Variants in SYT7 observed in about 807,000 individuals in gnomAD.
The protein encoded by SYT7 is synaptotagmin-7.
Under a neutral mutation model 75.1 loss-of-function variants are expected in SYT7, and 29 were observed. The observed-to-expected ratio is 0.39, with a 90% confidence interval of 0.29 to 0.53. The LOEUF (loss-of-function observed/expected upper bound fraction) is 0.53. SYT7 is among the 20% of genes least tolerant of loss of function. The probability of loss-of-function intolerance (pLI) is 0.77; values close to 1 mark genes in which losing one functional copy is unlikely to be tolerated. For missense variants in SYT7, 693 were observed against 953.2 expected (o/e 0.73, Z 3.59); for synonymous variants, 376 against 401.7 (o/e 0.94, Z 0.76).
At position 61,546,599 on chromosome 11, in the gene SYT7, G is replaced by A; in HGVS notation, c.348-344C>T. The A allele has an allele frequency of 2.1e-6, 1 of 480,158 alleles. No homozygotes were observed. The highest frequency in any genetic ancestry group is 6.0e-5 in the East Asian group (1 of 16,692). 29.7% of individuals were successfully genotyped at this position (480,158 alleles called of 1,614,324 possible). ...CAGGGGCGGCGGGGGTTGGGGGAGG[G>A]CAGCCACCTCCAACTCTATCCCACA... On this transcript the variant is annotated intron_variant, in intron 4 of 12. Coordinates refer to ENST00000539008, the MANE Select transcript of SYT7 (RefSeq NM_001365809.2). This position sits in a 1 kb window ranked among gnomAD's most constrained non-coding sequence, Gnocchi z 7.6.
At chr11:61,545,938 G>T in intron 5 of SYT7, 93 bp downstream of exon 5, 1 of 1,175,564 alleles carries the variant, frequency 8.5e-7, no homozygotes, top group South Asian at 1.4e-5. Context: ...CACCTCTGGG[G>T]GCAGCAGCGG....
chr11:61,583,680 C>G (rs190874751), upstream of SYT7, among the ~76,000 whole-genome samples: 4 of 152,316 alleles, frequency 2.6e-5, no homozygotes, highest in Admixed American at 2.6e-4. Context: ...TACAAGAATA[C>G]GAAGCCCAGT....
intron 6 of SYT7, chr11:61,540,933 G>A: frequency 1.0e-6 from 1 of 985,472 alleles, no homozygotes; most frequent in Non-Finnish European, 1.2e-6. Context: ...TTAGATTCCT[G>A]CAGGTCCTTG....
Position 61,571,270 on chromosome 11 carries a change from T to C in SYT7, c.31+9520A>G, listed in dbSNP as rs141607394. Among the ~76,000 whole-genome samples, 488 of 152,316 alleles carry C rather than the reference T, an allele frequency of 3.2e-3. 2 individuals are homozygous for C. Among genetic ancestry groups the C allele is most frequent in the African/African-American group, 0.011 (470 of 41,556 alleles). On this transcript the variant is annotated intron_variant, in intron 1 of 12. Transcript: ENST00000539008. ...TGGGAAGCACACACACAGTCATGCA[T>C]CTGCATGAAGTGAGGTGTGTTAGCT...
At chr11:61,548,426 T>C (rs1409193424) in intron 3 of SYT7, among the ~76,000 whole-genome samples, 1 of 152,150 alleles carries the variant, frequency 6.6e-6, no homozygotes, top group Non-Finnish European at 1.5e-5. Context: ...CTGGAAACCC[T>C]GGGAGCCAAG....
At chr11:61,554,933 C>T (rs1174180161) in intron 2 of SYT7, among the ~76,000 whole-genome samples, 2 of 152,200 alleles carry the variant, frequency 1.3e-5, no homozygotes, top group Non-Finnish European at 2.9e-5. Context: ...AGGATGGAGC[C>T]GCATGCTCCC....
At chr11:61,556,453 C>T (rs536220575) in intron 1 of SYT7, among the ~76,000 whole-genome samples, 1 of 152,356 alleles carries the variant, frequency 6.6e-6, no homozygotes, top group East Asian at 1.9e-4. Flanking sequence ...CTGTCTCTCC[C>T]TGCACGGACC....
Position 61,517,932 on chromosome 11 carries a change from C to T in SYT7, c.*695G>A, listed in dbSNP as rs566168274. 5.3e-4 allele frequency: 113 copies of T among 211,994 alleles called. No homozygotes were observed. Among genetic ancestry groups the T allele is most frequent in the African/African-American group, 2.4e-3 (104 of 43,776 alleles). The allele number at this position is 211,994 out of a possible 1,614,324, so 13.1% of individuals were successfully genotyped here. On this transcript the variant is annotated 3_prime_UTR_variant, in exon 13 of 13. Transcript: ENST00000539008. ...TCTTCTGTTTCTGACCTCTGCCTCA[C>T]CCGACCCCACTCAGCCCTATGGGCC...
At position 61,517,970 on chromosome 11, in the gene SYT7, C is replaced by A. The variant is rs2062190031; in HGVS notation, c.*657G>T. 1.1e-5 allele frequency: 2 copies of A among 182,186 alleles called. No homozygotes were observed. The highest frequency in any genetic ancestry group is 2.3e-5 in the Non-Finnish European group (2 of 88,586). 11.3% of individuals were successfully genotyped at this position (182,186 alleles called of 1,614,324 possible). A position where few individuals can be genotyped will look rare whatever the true frequency, so the allele number is the denominator to read the frequency against. On this transcript the variant is annotated 3_prime_UTR_variant, in exon 13 of 13. Transcript: ENST00000539008. ...AGCCCTATGGGCCTCTCCTCTCACA[C>A]CCCCGGCCTCCAACCCTGCCTGGCC...
chr11:61,521,578 G>A (rs923368942), intron 12 of SYT7, among the ~76,000 whole-genome samples: 2 of 152,186 alleles, frequency 1.3e-5, no homozygotes, highest in South Asian at 4.1e-4. Context: ...GCAAGCAGGG[G>A]AAGCTCTCCT....
Position 61,518,736 on chromosome 11 carries a change from G to A in SYT7, c.1957-5C>T, listed in dbSNP as rs1171048452. Reference sequence around the variant, plus strand: ...GCTCTTCCAGGACAGGTAGATCTGGGGAGAAAGGGGAGACGATGGCATCGG... The same window carrying A: ...GCTCTTCCAGGACAGGTAGATCTGGAGAGAAAGGGGAGACGATGGCATCGG... On this transcript the variant is annotated splice_region_variant and splice_polypyrimidine_tract_variant and intron_variant, in intron 12 of 12. Coordinates refer to ENST00000539008, the MANE Select transcript of SYT7 (RefSeq NM_001365809.2). 1 of 1,531,700 alleles carries A rather than the reference G, an allele frequency of 6.5e-7. No individual in the cohort carries two copies. Among genetic ancestry groups the A allele is most frequent in the Non-Finnish European group, 8.8e-7 (1 of 1,133,552 alleles). The allele number at this position is 1,531,700 out of a possible 1,614,324, so 94.9% of individuals were successfully genotyped here. A position where few individuals can be genotyped will look rare whatever the true frequency, so the allele number is the denominator to read the frequency against.
At chr11:61,519,457 G>A (rs146566164) in intron 12 of SYT7, among the ~76,000 whole-genome samples, 132 of 152,304 alleles carry the variant, frequency 8.7e-4, no homozygotes, top group African/African-American at 3.0e-3. Flanking sequence ...GCCTTCTATA[G>A]GACACCCGGC....
chr11:61,525,771 A>C (rs1009047538), intron 9 of SYT7: 1 of 152,286 alleles, frequency 6.6e-6, no homozygotes, highest in Admixed American at 6.5e-5. Flanking sequence ...AAGTGAATGC[A>C]TAATTGAACA....
rs1049863251 is a variant in SYT7 at position 61,541,841 on chromosome 11, G to C, written c.941+370C>G. Among the ~76,000 whole-genome samples, 10 of 152,278 alleles carry C rather than the reference G, an allele frequency of 6.6e-5. No homozygotes were observed. In the East Asian group the frequency reaches 9.7e-4, roughly 15 times the overall value. On this transcript the variant is annotated intron_variant, in intron 6 of 12. Transcript: ENST00000539008. ...AAAGGGATGGGTTTTGGAGCAGAAG[G>C]GGGAGGAGAGAGGTCGCAGGAGTGA...
At chr11:61,549,641 G>A (rs2063290146) in intron 3 of SYT7, among the ~76,000 whole-genome samples, 1 of 152,238 alleles carries the variant, frequency 6.6e-6, no homozygotes, top group African/African-American at 2.4e-5. Flanking sequence ...AAGAAGCAAA[G>A]GCCTAGGTGC....
chr11:61,573,348 CACCT>C (rs2063977465), intron 1 of SYT7, among the ~76,000 whole-genome samples: 2 of 152,222 alleles, frequency 1.3e-5, no homozygotes, highest in Admixed American at 6.5e-5. Flanking sequence ...CATTCATGCC[CACCT>C]GCATCCGGCT....
intron 3 of SYT7, among the ~76,000 whole-genome samples, chr11:61,548,447 G>A (rs1054090554): frequency 3.3e-5 from 5 of 152,192 alleles, no homozygotes; most frequent in African/African-American, 7.2e-5. Context: ...GACAAGGGGC[G>A]CCACCAGCTC....
Position 61,524,280 on chromosome 11 carries a change from C to T in SYT7, c.1641+83G>A. 6.5e-7 allele frequency: 1 copy of T among 1,542,302 alleles called. No individual in the cohort carries two copies. The highest frequency in any genetic ancestry group is 8.8e-7 in the Non-Finnish European group (1 of 1,136,798). ...CTCTCCCACAGCCCTCCTGGCCTTC[C>T]TAAGGTTGACAAGGGTCTGGGACCA... On this transcript the variant is annotated intron_variant, in intron 10 of 12. Coordinates refer to ENST00000539008, the MANE Select transcript of SYT7 (RefSeq NM_001365809.2). The surrounding 1 kb of genome is among the most constrained non-coding windows in gnomAD (Gnocchi z 4.1).
chr11:61,572,945 ATGCATGTG>A (rs2063962582), intron 1 of SYT7, among the ~76,000 whole-genome samples: 1 of 152,176 alleles, frequency 6.6e-6, no homozygotes, highest in African/African-American at 2.4e-5. Flanking sequence ...AAATGCCAAC[ATGCATGTG>A]TGCTGCCAGC....
Sources: gnomAD v4.1 joint callset for allele counts (sites outside exome capture counted in the v4.1 genomes callset) on GRCh38, gnomAD v4.1.1 for gene constraint, Gnocchi (gnomAD v3.1) non-coding constraint, MANE v1.5 for transcripts, NCBI Gene and HGNC (gene_info 2026-07-23, HGNC 2026-07-21) for gene names.